Variants in KIF11 observed in about 807,000 individuals in gnomAD.
The protein encoded by KIF11 is kinesin-like protein KIF11.
In KIF11, 9 loss-of-function variants were observed where a neutral mutation model predicts 121.0. The ratio of observed to expected loss-of-function variants is 0.07; its 90% confidence interval spans 0.04 to 0.13. The LOEUF is 0.13. Among genes scored for constraint, KIF11 ranks in the 10% least tolerant of loss-of-function variants. The pLI, the probability that KIF11 is intolerant of heterozygous loss-of-function variation, is 1.00. For missense variants in KIF11, 846 were observed against 1,217.5 expected (o/e 0.69, Z 4.54); for synonymous variants, 408 against 421.0 (o/e 0.97, Z 0.38).
intron 1 of KIF11, among the ~76,000 whole-genome samples, chr10:92,598,646 T>C (rs1033480751): frequency 6.6e-6 from 1 of 152,216 alleles, no homozygotes; most frequent in Non-Finnish European, 1.5e-5. Context: ...GGGATTTTAA[T>C]AGGGATTACA....
chr10:92,623,583 T>A (rs914730209), intron 10 of KIF11, among the ~76,000 whole-genome samples: 7 of 152,232 alleles, frequency 4.6e-5, no homozygotes, highest in Non-Finnish European at 8.8e-5. Context: ...TTTAATAAAC[T>A]TAGTTTTTTC....
intron 10 of KIF11, 41 bp from the exon 11 acceptor site, chr10:92,628,764 GAAA>G (rs761586238): frequency 1.9e-6 from 2 of 1,078,072 alleles, no homozygotes; most frequent in Non-Finnish European, 2.7e-6. Flanking sequence ...ATAGGAGTTA[GAAA>G]AAAATATTAA....
At chr10:92,594,053 G>A (rs1370126245) in intron 1 of KIF11, among the ~76,000 whole-genome samples, 3 of 152,100 alleles carry the variant, frequency 2.0e-5, no homozygotes, top group Non-Finnish European at 4.4e-5. Flanking sequence ...GGATGTGGAG[G>A]GGTGTTCGGC....
intron 1 of KIF11, among the ~76,000 whole-genome samples, chr10:92,599,603 C>G (rs1298943124): frequency 6.7e-6 from 1 of 149,582 alleles, no homozygotes; most frequent in African/African-American, 2.4e-5. Flanking sequence ...GCTGAATTCA[C>G]TTATTAGTTC....
chr10:92,645,239 C>T (rs924348844), intron 17 of KIF11, 124 bp from the exon 18 acceptor site: 29 of 646,746 alleles, frequency 4.5e-5, no homozygotes, highest in African/African-American at 3.9e-4. Flanking sequence ...ACTAAGATCA[C>T]GGGCCCTGGA....
chr10:92,645,766 TATA>T, intron 18 of KIF11, 124 bp downstream of exon 18: 2 of 745,236 alleles, frequency 2.7e-6, no homozygotes, highest in South Asian at 4.0e-5. Context: ...AACTTTTAAG[TATA>T]ATATTTGGTA....
rs138841615 is a variant in KIF11 at position 92,607,161 on chromosome 10, A to G, written c.311A>G (p.Tyr104Cys). Residue 104 changes from tyrosine to cysteine, a missense_variant and splice_region_variant, in exon 4 of 22, where the codon TAT becomes TGT. Around this residue, in one of 5 missense-constraint regions of KIF11, gnomAD observed 140 missense variants for 193.5 expected, o/e 0.72. Coordinates refer to ENST00000260731, the MANE Select transcript of KIF11 (RefSeq NM_004523.4). ...TTAACACTTGTTAATCTTTACAGGTATGGCCAAACTGGCACTGGAAAAACT... is the reference window on the plus strand; with the variant it reads ...TTAACACTTGTTAATCTTTACAGGTGTGGCCAAACTGGCACTGGAAAAACT... The part of the protein sequence containing the change: ...IMGYNCTIFA[Y>C]GQTGTGKTFT... The G allele has an allele frequency of 2.5e-6, 4 of 1,592,616 alleles. No individual in the cohort carries two copies. Among genetic ancestry groups the G allele is most frequent in the African/African-American group, 2.7e-5 (2 of 74,496 alleles).
At chr10:92,622,977 A>G (rs1844634699) in intron 10 of KIF11, among the ~76,000 whole-genome samples, 1 of 152,196 alleles carries the variant, frequency 6.6e-6, no homozygotes, top group African/African-American at 2.4e-5. Context: ...GAGAACAGCA[A>G]GGGGGAAGTC....
rs777092051 is a variant in KIF11, at chr10:92,628,780, GTTAAACTCATA to G, written c.1218-20_1218-10del. Reference sequence around the variant, plus strand: ...TAGGAGTTAGAAAAAAATATTAACTGTTAAACTCATATTAAACTTTATTTTAGAGTCATGAG... The same window carrying G: ...TAGGAGTTAGAAAAAAATATTAACTGTTAAACTTTATTTTAGAGTCATGAG... On this transcript the variant is annotated splice_polypyrimidine_tract_variant and intron_variant, in intron 10 of 21. Transcript: ENST00000260731. 10 of 1,255,036 alleles carry G rather than the reference GTTAAACTCATA, an allele frequency of 8.0e-6. No homozygotes were observed. In the East Asian group the frequency reaches 2.4e-4, roughly 30 times the overall value. 77.7% of individuals were successfully genotyped at this position (1,255,036 alleles called of 1,614,324 possible).
At chr10:92,652,225 C>T (rs1403378545) in intron 21 of KIF11, among the ~76,000 whole-genome samples, 1 of 152,012 alleles carries the variant, frequency 6.6e-6, no homozygotes, top group Non-Finnish European at 1.5e-5. Context: ...ACCACAATCT[C>T]CGCCTCCCGG....
Position 92,628,245 on chromosome 10 carries a change from A to G in KIF11, c.1218-563A>G, listed in dbSNP as rs527311647. The stretch of plus-strand genomic sequence containing the variant: ...CTCTAGAGAGTAATCCTTTGTTCTC[A>G]TGAGGGTTATGCGGTGGGGTGAGAG... On this transcript the variant is annotated intron_variant, in intron 10 of 21. Transcript: ENST00000260731. 2.6e-5 allele frequency among the ~76,000 whole-genome samples: 4 copies of G among 152,306 alleles called. No individual in the cohort carries two copies. The South Asian group carries it at 8.3e-4, about 32-fold the overall frequency.
Position 92,645,449 on chromosome 10 carries a change from A to G in KIF11, c.2354A>G (p.Asn785Ser). ...DSDGFSQELR[N>S]FNQEGTKLVE... ...GATGGCTTCTCACAGGAACTCAGAA[A>G]TTTTAACCAAGAAGGTACAAAATTG... Residue 785 changes from asparagine (N) to serine (S), a missense_variant, in exon 18 of 22, where the codon AAT becomes AGT. Coordinates refer to ENST00000260731, the MANE Select transcript of KIF11 (RefSeq NM_004523.4). The G allele has an allele frequency of 6.2e-7, 1 of 1,614,066 alleles. No individual in the cohort carries two copies. Among genetic ancestry groups the G allele is most frequent in the African/African-American group, 1.3e-5 (1 of 75,066 alleles).
intron 3 of KIF11, 38 bp downstream of exon 3, chr10:92,606,754 C>A: frequency 1.0e-6 from 1 of 988,760 alleles, no homozygotes; most frequent in Non-Finnish European, 1.6e-6. Context: ...TATGAAAAAG[C>A]TTAAATGCTT....
intron 10 of KIF11, among the ~76,000 whole-genome samples, chr10:92,623,324 T>C (rs1448912134): frequency 6.6e-6 from 1 of 152,172 alleles, no homozygotes; most frequent in Non-Finnish European, 1.5e-5. Flanking sequence ...TTGAGGCCCA[T>C]TGTATAAAAC....
Position 92,653,709 on chromosome 10 carries a change from C to T in KIF11, c.3084C>T (p.Asn1028=). Residue 1028 remains asparagine (N), a synonymous_variant, in exon 22 of 22, where the codon AAC becomes AAT. Transcript: ENST00000260731. ...AAGACAAAGAAAACAGAGGCATTAACACACTGGAGAGGTCTAAAGTGGAAG... is the reference window on the plus strand; with the variant it reads ...AAGACAAAGAAAACAGAGGCATTAATACACTGGAGAGGTCTAAAGTGGAAG... ...HGKDKENRGI[N]TLERSKVEET... 2.5e-6 allele frequency: 4 copies of T among 1,612,932 alleles called. No homozygotes were observed. Among genetic ancestry groups the T allele is most frequent in the Non-Finnish European group, 3.4e-6 (4 of 1,178,998 alleles).
chr10:92,603,235 T>G (rs1183548311), intron 1 of KIF11, among the ~76,000 whole-genome samples: 4 of 146,606 alleles, frequency 2.7e-5, no homozygotes, highest in Non-Finnish European at 6.0e-5. Context: ...ACACTTCCTA[T>G]CCCCCTTAAA....
At chr10:92,646,987 T>C (rs980542050) in intron 18 of KIF11, among the ~76,000 whole-genome samples, 2 of 152,212 alleles carry the variant, frequency 1.3e-5, no homozygotes, top group African/African-American at 4.8e-5. Flanking sequence ...TAATGATGGC[T>C]TAAACCATTT....
chr10:92,593,801 A>G (rs1327611870), intron 1 of KIF11, among the ~76,000 whole-genome samples: 2 of 152,198 alleles, frequency 1.3e-5, no homozygotes, highest in Admixed American at 6.6e-5. Context: ...TTACGTTGGT[A>G]TTATTACCTC....
chr10:92,649,454 C>T, intron 19 of KIF11, among the ~76,000 whole-genome samples: 1 of 152,142 alleles, frequency 6.6e-6, no homozygotes, highest in African/African-American at 2.4e-5. Flanking sequence ...TTAACCACCA[C>T]ACCACATTTA....
Sources: gnomAD v4.1 joint callset for allele counts (sites outside exome capture counted in the v4.1 genomes callset) on GRCh38, gnomAD v4.1.1 for gene constraint, gnomAD v4.1.1 regional missense constraint, MANE v1.5 for transcripts, NCBI Gene and HGNC (gene_info 2026-07-23, HGNC 2026-07-21) for gene names.